Variants in YEATS2 observed in about 807,000 individuals in gnomAD.
The protein encoded by YEATS2 is YEATS domain-containing protein 2.
Under a neutral mutation model 163.2 loss-of-function variants are expected in YEATS2, and 77 were observed. That is an observed-to-expected ratio of 0.47 (90% confidence interval 0.39 to 0.57). The LOEUF is 0.57. YEATS2 is among the 20% of genes least tolerant of loss of function. The pLI, the probability that YEATS2 is intolerant of heterozygous loss-of-function variation, is 0.00. For synonymous variants in YEATS2, 631 were observed against 645.1 expected, an observed-to-expected ratio of 0.98 and a Z score of 0.33; for missense variants, 1,549 against 1,729.8, an observed-to-expected ratio of 0.90 and a Z score of 1.85.
At chr3:183,717,385 A>G (rs1201367318) in intron 2 of YEATS2, among the ~76,000 whole-genome samples, 2 of 152,150 alleles carry the variant, frequency 1.3e-5, no homozygotes, top group Admixed American at 6.6e-5. Context: ...GAGTTTGTCT[A>G]ATCTTTCCTT....
intron 1 of YEATS2, among the ~76,000 whole-genome samples, chr3:183,706,513 TTTGCAATTGGATATAC>T (rs1374488304): frequency 6.6e-6 from 1 of 152,140 alleles, no homozygotes; most frequent in Non-Finnish European, 1.5e-5. Flanking sequence ...GTTGGGTGTT[TTTGCAATTGGATATAC>T]ATACCCATCT....
In YEATS2 at chr3:183,807,173, A is replaced by G. The variant is rs1333747335; in HGVS notation, c.4011+81A>G. ...CAGACGTTCAGCTTCACAGACCCAG[A>G]CCCAGGTGTTCAGCCTCACAGACAC... On this transcript the variant is annotated intron_variant, in intron 28 of 30. Coordinates refer to ENST00000305135, the MANE Select transcript of YEATS2 (RefSeq NM_018023.5). 1.6e-5 allele frequency: 20 copies of G among 1,288,782 alleles called. 1 individual carries two copies. The African/African-American group carries it at 2.5e-4, about 16-fold the overall frequency. The allele number at this position is 1,288,782 out of a possible 1,614,324, so 79.8% of individuals were successfully genotyped here.
In YEATS2 at chr3:183,750,015, G is replaced by A. The variant is rs562473895; in HGVS notation, c.970-2058G>A. On this transcript the variant is annotated intron_variant, in intron 9 of 30. Coordinates refer to ENST00000305135, the MANE Select transcript of YEATS2 (RefSeq NM_018023.5). ...TTTTTTTTGTATTTTTAGTAGAGAC[G>A]GGGTTTCACTGTGTTAGCCAGGATG... 1.8e-4 allele frequency among the ~76,000 whole-genome samples: 27 copies of A among 151,644 alleles called. No homozygotes were observed. In the South Asian group the frequency reaches 5.4e-3, roughly 30 times the overall value.
At chr3:183,747,131 G>A (rs1007628829) in intron 8 of YEATS2, among the ~76,000 whole-genome samples, 9 of 152,108 alleles carry the variant, frequency 5.9e-5, no homozygotes, top group Admixed American at 4.6e-4. Flanking sequence ...GAAGTCATTA[G>A]CATAGCCTCT....
At chr3:183,705,782 C>G (rs1349843157) in intron 1 of YEATS2, among the ~76,000 whole-genome samples, 15 of 152,112 alleles carry the variant, frequency 9.9e-5, no homozygotes, top group Admixed American at 9.8e-4. Context: ...GCTCACGCCT[C>G]TAATCCCAGC....
chr3:183,756,433 C>T, intron 11 of YEATS2, 95 bp from the exon 12 acceptor site: 1 of 1,215,450 alleles, frequency 8.2e-7, no homozygotes, highest in Non-Finnish European at 1.1e-6. Context: ...TTACCTTTGT[C>T]CTGGTGGCAC....
intron 15 of YEATS2, among the ~76,000 whole-genome samples, chr3:183,762,789 C>T (rs947028897): frequency 6.6e-6 from 1 of 151,728 alleles, no homozygotes; most frequent in Non-Finnish European, 1.5e-5. Flanking sequence ...TGGTGGCTCA[C>T]GCCTGTGATC....
intron 4 of YEATS2, 101 bp downstream of exon 4, chr3:183,718,693 C>A: frequency 9.7e-7 from 1 of 1,033,370 alleles, no homozygotes; most frequent in Non-Finnish European, 1.4e-6. Flanking sequence ...ACATTTCTTT[C>A]TGTTTGTTTT....
intron 29 of YEATS2, 190 bp from the exon 30 acceptor site, chr3:183,808,902 CCAATT>C (rs940113922): frequency 7.3e-5 from 40 of 546,574 alleles, no homozygotes; most frequent in East Asian, 3.6e-4. Context: ...GAAAATCACT[CCAATT>C]CATAATTTCT....
At chr3:183,708,773 A>G (rs1382708087) in intron 1 of YEATS2, among the ~76,000 whole-genome samples, 3 of 152,102 alleles carry the variant, frequency 2.0e-5, no homozygotes, top group Non-Finnish European at 4.4e-5. Flanking sequence ...CTGAGGCAGG[A>G]GGATCACTTG....
intron 2 of YEATS2, among the ~76,000 whole-genome samples, chr3:183,717,066 T>C (rs1390255980): frequency 6.6e-6 from 1 of 152,094 alleles, no homozygotes; most frequent in Non-Finnish European, 1.5e-5. Context: ...CTAGTTTTTG[T>C]ATTTTTGGTA....
At chr3:183,802,979 AC>A (rs1280192018) in intron 25 of YEATS2, 9 of 369,972 alleles carry the variant, frequency 2.4e-5, no homozygotes, top group Non-Finnish European at 3.0e-5. Flanking sequence ...CTAGTGGAGC[AC>A]CAGTTCCACA....
chr3:183,736,651 G>A (rs1289945487), intron 7 of YEATS2, 67 bp from the exon 8 acceptor site: 6 of 1,175,440 alleles, frequency 5.1e-6, no homozygotes, highest in Non-Finnish European at 5.9e-6. Flanking sequence ...GCATTATCAG[G>A]AAACTTTTCC....
At chr3:183,768,365 A>G (rs1230455183) in intron 15 of YEATS2, among the ~76,000 whole-genome samples, 2 of 152,336 alleles carry the variant, frequency 1.3e-5, no homozygotes, top group East Asian at 1.9e-4. Context: ...CCAGAAAGCA[A>G]ATGGCCACGC....
intron 12 of YEATS2, among the ~76,000 whole-genome samples, chr3:183,757,203 C>T (rs1306001157): frequency 6.6e-6 from 1 of 152,102 alleles, no homozygotes; most frequent in Non-Finnish European, 1.5e-5. Context: ...TCACTGTAAT[C>T]CCATGCTTTT....
chr3:183,762,161 C>T lies in YEATS2; in HGVS notation c.1829C>T (p.Ser610Leu). ...CCCGCAACAGGAGCTGCCAGCCAGT[C>T]ACCACTCCCGCAGTATGTGACTGTG... ...HVPATGAASQ[S>L]PLPQYVTVKG... is the part of the protein sequence containing the mutation. The change falls in exon 15 of 31, where the codon TCA becomes TTA. Residue 610 changes from serine (S) to leucine (L), a missense_variant. Coordinates refer to ENST00000305135, the MANE Select transcript of YEATS2 (RefSeq NM_018023.5). 2 of 1,614,152 alleles carry T rather than the reference C, an allele frequency of 1.2e-6. No individual in the cohort carries two copies. Among genetic ancestry groups the T allele is most frequent in the East Asian group, 4.5e-5 (2 of 44,878 alleles).
chr3:183,708,529 C>T (rs1714858851), intron 1 of YEATS2, among the ~76,000 whole-genome samples: 1 of 152,030 alleles, frequency 6.6e-6, no homozygotes. Flanking sequence ...ATTTTCTTTT[C>T]AAAATTATTT....
chr3:183,768,877 C>T (rs1182647109), intron 15 of YEATS2, among the ~76,000 whole-genome samples: 1 of 152,182 alleles, frequency 6.6e-6, no homozygotes, highest in African/African-American at 2.4e-5. Context: ...GAGGCAAAGG[C>T]AGGAGAATTG....
chr3:183,716,540 A>C (rs1322036340), intron 2 of YEATS2, among the ~76,000 whole-genome samples: 1 of 152,158 alleles, frequency 6.6e-6, no homozygotes, highest in East Asian at 1.9e-4. Context: ...TTCCCTCCTC[A>C]TTCAGCTGTA....
Sources: gnomAD v4.1 joint callset for allele counts (sites outside exome capture counted in the v4.1 genomes callset) on GRCh38, gnomAD v4.1.1 for gene constraint, MANE v1.5 for transcripts, NCBI Gene and HGNC (gene_info 2026-07-23, HGNC 2026-07-21) for gene names.